Variants in ADAM12 observed in about 807,000 individuals in gnomAD.
The protein encoded by ADAM12 is ADAM metallopeptidase domain 12.
Under a neutral mutation model 106.4 loss-of-function variants are expected in ADAM12, and 70 were observed. The ratio of observed to expected loss-of-function variants is 0.66; its 90% CI spans 0.54 to 0.80. The LOEUF (loss-of-function observed/expected upper bound fraction) is 0.80, where lower values mean the gene tolerates loss of function less well. Among genes scored for constraint, ADAM12 ranks in the 30% least tolerant of loss-of-function variants. The pLI, the probability that ADAM12 is intolerant of heterozygous loss-of-function variation, is 0.00. For synonymous variants in ADAM12, 420 were observed against 433.5 expected (o/e 0.97, Z 0.39); for missense variants, 1,010 against 1,171.9 (o/e 0.86, Z 2.02).
intron 21 of ADAM12, among the ~76,000 whole-genome samples, chr10:126,033,901 A>C (rs888201756): frequency 6.6e-6 from 1 of 152,252 alleles, no homozygotes; most frequent in Non-Finnish European, 1.5e-5. Flanking sequence ...ACATTCTCAG[A>C]TAAAGGAAAA....
At chr10:126,202,749 A>G (rs1260287248) in intron 3 of ADAM12, among the ~76,000 whole-genome samples, 2 of 152,192 alleles carry the variant, frequency 1.3e-5, no homozygotes, top group South Asian at 2.1e-4. Context: ...CAGAATTCTC[A>G]TAATCTCTGA....
At chr10:126,177,895 C>G (rs1264575030) in intron 3 of ADAM12, among the ~76,000 whole-genome samples, 1 of 152,156 alleles carries the variant, frequency 6.6e-6, no homozygotes, top group Non-Finnish European at 1.5e-5. Context: ...GTAGCTGGAG[C>G]GAGCAACGTG....
At chr10:126,161,814 G>A (rs1386812593) in intron 3 of ADAM12, among the ~76,000 whole-genome samples, 2 of 152,210 alleles carry the variant, frequency 1.3e-5, no homozygotes, top group Non-Finnish European at 2.9e-5. Context: ...AATGGCCTTG[G>A]AGCCTGCAGA....
Position 126,038,244 on chromosome 10 carries a change from C to T in ADAM12, c.2346G>A (p.Pro782=), listed in dbSNP as rs375026997. 2.4e-5 allele frequency: 39 copies of T among 1,607,622 alleles called. No individual in the cohort carries two copies. The highest frequency in any genetic ancestry group is 1.3e-4 in the East Asian group (6 of 44,776). Residue 782 remains proline, a synonymous_variant, in exon 20 of 23, where the codon CCG becomes CCA. Transcript: ENST00000448723. ...CTCACATCTACTCAAGACTCACCTT[C>T]GGTGGGTAGGAATCTGGCGGCTTCC... The part of the protein sequence containing the change: ...LMRKPPDSYP[P]KDNPRRLLQC...
rs1347430516 is a variant in ADAM12, at chr10:126,118,142, T to C, written c.499A>G (p.Lys167Glu). 2 of 1,614,154 alleles carry C rather than the reference T, an allele frequency of 1.2e-6. No individual in the cohort carries two copies. The highest frequency in any genetic ancestry group is 1.7e-6 in the Non-Finnish European group (2 of 1,179,974). ...ATNRYKLFPA[K>E]KLKSVRGSCG... ...GATCCCCGGACGCTTTTCAGCTTCT[T>C]CGCTGGGAAGAGTTTGTATCTGTTG... Residue 167 changes from lysine to glutamate, a missense_variant, in exon 6 of 23, where the codon AAG (lysine) becomes GAG (glutamate). Lys to Glu is a moderately conservative substitution (Grantham distance 56, BLOSUM62 1). Transcript: ENST00000448723.
intron 1 of ADAM12, among the ~76,000 whole-genome samples, chr10:126,358,171 C>T (rs977290673): frequency 5.6e-5 from 6 of 106,300 alleles, no homozygotes; most frequent in African/African-American, 2.1e-4. Context: ...CGTGAGACTC[C>T]GTCTCAAAAA....
At chr10:126,073,132 C>T (rs1233540914) in intron 11 of ADAM12, among the ~76,000 whole-genome samples, 2 of 152,226 alleles carry the variant, frequency 1.3e-5, no homozygotes, top group African/African-American at 4.8e-5. Context: ...CCGAGTCTCA[C>T]TCTGTTGCCC....
chr10:126,017,472 A>C, intron 22 of ADAM12, 133 bp from the exon 23 acceptor site: 1 of 791,374 alleles, frequency 1.3e-6, no homozygotes, highest in African/African-American at 1.8e-5. Context: ...TGCCCCTCAT[A>C]ACGGGGGTGG....
In ADAM12 at chr10:126,388,395, A is replaced by G; in HGVS notation, c.-250T>C. 2.7e-6 allele frequency: 1 copy of G among 366,678 alleles called. No homozygotes were observed. The allele number at this position is 366,678 out of a possible 1,614,324, so 22.7% of individuals were successfully genotyped here. On this transcript the variant is annotated 5_prime_UTR_variant, in exon 1 of 23. Coordinates refer to ENST00000448723, the MANE Select transcript of ADAM12 (RefSeq NM_001288973.2). This position sits in a 1 kb window ranked among gnomAD's most constrained non-coding sequence, Gnocchi z 4.4. ...GCCGTTCTGGCACAAGCCAGCCTTG[A>G]CCGTTGCAATAAATGAGCAAACTGT...
At chr10:126,332,812 G>A (rs189739041) in intron 1 of ADAM12, among the ~76,000 whole-genome samples, 3 of 152,332 alleles carry the variant, frequency 2.0e-5, no homozygotes, top group Non-Finnish European at 2.9e-5. Flanking sequence ...CACTGTTCTC[G>A]AAGCTTTGCC....
chr10:126,313,359 C>A (rs1564726686), intron 2 of ADAM12, among the ~76,000 whole-genome samples: 2 of 152,214 alleles, frequency 1.3e-5, no homozygotes, highest in Non-Finnish European at 2.9e-5. Flanking sequence ...GTGACCCAGA[C>A]CAACCCTGCC....
At chr10:126,279,309 G>C (rs901100854) in intron 2 of ADAM12, among the ~76,000 whole-genome samples, 10 of 152,064 alleles carry the variant, frequency 6.6e-5, no homozygotes, top group Non-Finnish European at 1.3e-4. Flanking sequence ...GTTTGTGCCT[G>C]TGGTCCTAGC....
Position 126,101,089 on chromosome 10 carries a change from G to A in ADAM12, c.894C>T (p.Asp298=). The A allele has an allele frequency of 6.2e-7, 1 of 1,613,832 alleles. No individual in the cohort carries two copies. The highest frequency in any genetic ancestry group is 8.5e-7 in the Non-Finnish European group (1 of 1,179,882). Residue 298 remains aspartate (D), a synonymous_variant, in exon 9 of 23, where the codon GAC becomes GAT. Transcript: ENST00000448723. ...CTCCCTACCTGACAAGCTGCGCATT[G>A]TCATGGGATTTGCGAGGTAGAAGCT... ...KMKLLPRKSH[D]NAQLVSGVYF... is the part of the protein sequence containing the mutation.
intron 8 of ADAM12, among the ~76,000 whole-genome samples, chr10:126,107,129 A>G (rs1006602543): frequency 6.6e-6 from 1 of 152,162 alleles, no homozygotes; most frequent in Non-Finnish European, 1.5e-5. Context: ...ATAGGAACAC[A>G]CATGCATGTA....
intron 3 of ADAM12, among the ~76,000 whole-genome samples, chr10:126,204,531 C>T (rs1403705371): frequency 2.0e-5 from 3 of 152,240 alleles, no homozygotes; most frequent in South Asian, 2.1e-4. Context: ...AGCAGATTCC[C>T]GCTTCATGCC....
chr10:126,384,610 T>C (rs1447917773), intron 1 of ADAM12, among the ~76,000 whole-genome samples: 1 of 151,986 alleles, frequency 6.6e-6, no homozygotes, highest in African/African-American at 2.4e-5. Flanking sequence ...AAATCATGGC[T>C]AGACTACCTG....
At chr10:126,270,869 C>G (rs1257706704) in intron 3 of ADAM12, among the ~76,000 whole-genome samples, 1 of 152,154 alleles carries the variant, frequency 6.6e-6, no homozygotes, top group East Asian at 1.9e-4. Flanking sequence ...CCACTAGGCT[C>G]CAGCTTAGAA....
intron 2 of ADAM12, among the ~76,000 whole-genome samples, chr10:126,282,731 C>G (rs1285760317): frequency 2.0e-5 from 3 of 152,100 alleles, no homozygotes; most frequent in Non-Finnish European, 4.4e-5. Context: ...CTTTGGCATT[C>G]TTTCTCTCCA....
At chr10:126,318,776 C>T (rs896864450) in intron 2 of ADAM12, among the ~76,000 whole-genome samples, 21 of 152,152 alleles carry the variant, frequency 1.4e-4, no homozygotes, top group South Asian at 4.1e-4. Context: ...CTAATAAAGA[C>T]GACCCAAGAC....
Sources: gnomAD v4.1 joint callset for allele counts (sites outside exome capture counted in the v4.1 genomes callset) on GRCh38, gnomAD v4.1.1 for gene constraint, Gnocchi (gnomAD v3.1) non-coding constraint, MANE v1.5 for transcripts, NCBI Gene and HGNC (gene_info 2026-07-23, HGNC 2026-07-21) for gene names.